The following GABRB1 variants were observed in gnomAD, a reference collection of about 807,000 sequenced individuals.
The protein encoded by GABRB1 is gamma-aminobutyric acid type A receptor subunit beta1.
A neutral mutation model predicts 51.6 loss-of-function variants in GABRB1; 17 were observed. The ratio of observed to expected loss-of-function variants is 0.33; its 90% CI spans 0.23 to 0.49. The LOEUF is 0.49. Among genes scored for constraint, GABRB1 ranks in the 20% least tolerant of loss-of-function variants. GABRB1 has a pLI of 0.99. For synonymous variants in GABRB1, 247 were observed against 218.9 expected (o/e 1.13, Z -1.14); for missense variants, 410 against 600.6 (o/e 0.68, Z 3.32).
At chr4:47,052,254 A>C (rs374088396) in intron 3 of GABRB1, among the ~76,000 whole-genome samples, 2 of 152,330 alleles carry the variant, frequency 1.3e-5, no homozygotes, top group East Asian at 3.9e-4. Context: ...TGGAGGCCCC[A>C]TGTCACTACT....
intron 3 of GABRB1, among the ~76,000 whole-genome samples, chr4:47,093,064 C>T (rs144707394): frequency 1.4e-3 from 220 of 152,296 alleles, no homozygotes; most frequent in African/African-American, 5.0e-3. Flanking sequence ...GGAAATTGTT[C>T]TCTTTTATTA....
intron 4 of GABRB1, among the ~76,000 whole-genome samples, chr4:47,237,897 G>A (rs565781764): frequency 3.4e-4 from 52 of 152,024 alleles, no homozygotes; most frequent in African/African-American, 1.1e-3. Flanking sequence ...CTTTTTATGA[G>A]CATTTCAGCA....
At chr4:47,423,753 G>T (rs983241784) in intron 8 of GABRB1, among the ~76,000 whole-genome samples, 10 of 152,222 alleles carry the variant, frequency 6.6e-5, no homozygotes, top group Non-Finnish European at 1.3e-4. Context: ...CCCAAATTTG[G>T]TACTTGTTGT....
chr4:47,412,386 G>C (rs1250654436), intron 8 of GABRB1, among the ~76,000 whole-genome samples: 1 of 151,982 alleles, frequency 6.6e-6, no homozygotes, highest in African/African-American at 2.4e-5. Context: ...TATAAAACTC[G>C]TACATATTCA....
intron 4 of GABRB1, among the ~76,000 whole-genome samples, chr4:47,193,778 G>T (rs926932179): frequency 6.6e-6 from 1 of 152,132 alleles, no homozygotes; most frequent in African/African-American, 2.4e-5. Flanking sequence ...AAATATTTGT[G>T]TAATGGATTT....
chr4:47,329,113 A>G (rs2109972808), intron 5 of GABRB1, among the ~76,000 whole-genome samples: 1 of 152,252 alleles, frequency 6.6e-6, no homozygotes, highest in Middle Eastern at 3.4e-3. Flanking sequence ...AGTTCTATAA[A>G]AGTCTGCCCT....
chr4:47,014,930 G>T (rs973674126), intron 1 of GABRB1, among the ~76,000 whole-genome samples: 1 of 151,840 alleles, frequency 6.6e-6, no homozygotes, highest in East Asian at 1.9e-4. Context: ...TTATTGAGAC[G>T]GAGTCTCGCC....
intron 5 of GABRB1, among the ~76,000 whole-genome samples, chr4:47,351,677 G>A (rs865845574): frequency 1.2e-3 from 179 of 149,024 alleles, no homozygotes; most frequent in South Asian, 5.8e-3. Flanking sequence ...TTTTGTCCTT[G>A]CGATAGTTTA....
At chr4:47,389,158 C>T (rs762042843) in intron 5 of GABRB1, among the ~76,000 whole-genome samples, 19 of 152,266 alleles carry the variant, frequency 1.2e-4, no homozygotes, top group Admixed American at 1.0e-3. Flanking sequence ...AAGTTCCTCC[C>T]CCAGTTCCTC....
At chr4:47,218,440 T>A (rs1220452390) in intron 4 of GABRB1, among the ~76,000 whole-genome samples, 1 of 151,874 alleles carries the variant, frequency 6.6e-6, no homozygotes, top group African/African-American at 2.4e-5. Flanking sequence ...CTACACTAAC[T>A]TACATTTTCA....
intron 4 of GABRB1, among the ~76,000 whole-genome samples, chr4:47,261,890 A>T (rs948168261): frequency 6.6e-6 from 1 of 152,168 alleles, no homozygotes; most frequent in African/African-American, 2.4e-5. Flanking sequence ...ATAACGCCGC[A>T]TATCTACAAC....
chr4:47,106,707 T>C (rs1714985842), intron 3 of GABRB1, among the ~76,000 whole-genome samples: 1 of 152,060 alleles, frequency 6.6e-6, no homozygotes, highest in Admixed American at 6.6e-5. Context: ...CTTTCTTGCA[T>C]GAGGACTCAT....
At chr4:47,077,645 A>G (rs1483045715) in intron 3 of GABRB1, among the ~76,000 whole-genome samples, 1 of 151,588 alleles carries the variant, frequency 6.6e-6, no homozygotes, top group Non-Finnish European at 1.5e-5. Flanking sequence ...CACTCAATGA[A>G]GAGTTTGCCT....
intron 4 of GABRB1, among the ~76,000 whole-genome samples, chr4:47,163,908 G>C (rs1388519736): frequency 1.3e-5 from 2 of 152,006 alleles, no homozygotes; most frequent in African/African-American, 4.8e-5. Flanking sequence ...CCAAGACTAG[G>C]TAATTTACAA....
At chr4:47,086,716 C>T (rs1448924971) in intron 3 of GABRB1, among the ~76,000 whole-genome samples, 1 of 152,140 alleles carries the variant, frequency 6.6e-6, no homozygotes, top group East Asian at 1.9e-4. Flanking sequence ...ATTGGCTCAC[C>T]CTCTCCACCT....
intron 5 of GABRB1, among the ~76,000 whole-genome samples, chr4:47,397,717 C>T (rs1728225829): frequency 6.6e-6 from 1 of 152,088 alleles, no homozygotes; most frequent in African/African-American, 2.4e-5. Flanking sequence ...CAGGTGCCTG[C>T]CACCATGCTC....
chr4:47,085,906 T>TAG, intron 3 of GABRB1, among the ~76,000 whole-genome samples: 1 of 152,308 alleles, frequency 6.6e-6, no homozygotes, highest in African/African-American at 2.4e-5. Flanking sequence ...CTGCCAGGCC[T>TAG]CTGAAGGCCT....
chr4:47,181,395 C>T (rs983928515), intron 4 of GABRB1, among the ~76,000 whole-genome samples: 1 of 151,900 alleles, frequency 6.6e-6, no homozygotes, highest in Non-Finnish European at 1.5e-5. Flanking sequence ...GTTTTAATTA[C>T]TCTATTTATG....
At chr4:47,070,023 G>A (rs1727253542) in intron 3 of GABRB1, among the ~76,000 whole-genome samples, 1 of 150,896 alleles carries the variant, frequency 6.6e-6, no homozygotes, top group African/African-American at 2.4e-5. Flanking sequence ...TTTCGTTGTT[G>A]CTGTTTTTTT....
Sources: allele counts gnomAD v4.1 joint callset (sites outside exome capture counted in the v4.1 genomes callset), GRCh38; gene constraint gnomAD v4.1.1; transcripts MANE v1.5; gene names NCBI Gene and HGNC (gene_info 2026-07-23, HGNC 2026-07-21).